CNOT4: variants seen among roughly 807,000 people sequenced by gnomAD.
The protein encoded by CNOT4 is CCR4-associated factor 4.
CNOT4 carries 8 observed loss-of-function variants against 73.8 expected under a neutral mutation model. The ratio of observed to expected loss-of-function variants is 0.11; its 90% CI spans 0.06 to 0.20. The LOEUF (loss-of-function observed/expected upper bound fraction) is 0.20. Among genes scored for constraint, CNOT4 ranks in the 10% least tolerant of loss-of-function variants. The pLI is 1.00. For missense variants in CNOT4, 564 were observed against 883.4 expected (o/e 0.64, Z 4.58); for synonymous variants, 293 against 321.1 (o/e 0.91, Z 0.94).
intron 1 of CNOT4, among the ~76,000 whole-genome samples, chr7:135,470,136 TG>T (rs199575610): frequency 3.3e-5 from 5 of 150,432 alleles, no homozygotes; most frequent in Admixed American, 1.3e-4. Flanking sequence ...TGTGTTTTTT[TG>T]GGGGGGGAGG....
rs1158626367 is a variant in CNOT4, at chr7:135,444,772, T to C, written c.-92-6349A>G. 3.2e-6 allele frequency: 5 copies of C among 1,555,086 alleles called. No individual in the cohort carries two copies. In the African/African-American group the frequency reaches 5.4e-5, roughly 17 times the overall value. The stretch of plus-strand genomic sequence containing the variant: ...CTCACTCTTCATGGTCACTGGGGCC[T>C]TGGACAAGTTGTTACTGACTATGTT... On this transcript the variant is annotated intron_variant, in intron 1 of 11. Transcript: ENST00000541284.
At chr7:135,426,904 CA>C in intron 2 of CNOT4, among the ~76,000 whole-genome samples, 1 of 120,882 alleles carries the variant, frequency 8.3e-6, no homozygotes, top group South Asian at 2.6e-4. Flanking sequence ...GCCTGGGGAA[CA>C]AGAATGAAAC....
chr7:135,407,846 T>A (rs2129483946), intron 7 of CNOT4, among the ~76,000 whole-genome samples: 2 of 152,326 alleles, frequency 1.3e-5, no homozygotes, highest in Middle Eastern at 6.8e-3. Flanking sequence ...AGAATATAAA[T>A]TCTTCCAATA....
chr7:135,487,699 T>C (rs1207404314), intron 1 of CNOT4, among the ~76,000 whole-genome samples: 1 of 152,156 alleles, frequency 6.6e-6, no homozygotes, highest in Non-Finnish European at 1.5e-5. Flanking sequence ...ATCTCATGCA[T>C]TGCTTTTTAA....
chr7:135,382,584 A>G (rs576685644), intron 10 of CNOT4, among the ~76,000 whole-genome samples: 7 of 21,134 alleles, frequency 3.3e-4, no homozygotes, highest in Non-Finnish European at 8.3e-4. Context: ...TGACTAGGAG[A>G]AAAAAAAAAA....
At chr7:135,443,429 T>C (rs1799615719) in intron 1 of CNOT4, among the ~76,000 whole-genome samples, 1 of 151,932 alleles carries the variant, frequency 6.6e-6, no homozygotes, top group Admixed American at 6.6e-5. Context: ...CTATATCCTT[T>C]ATAAAATATG....
chr7:135,506,934 C>A (rs1311476779), intron 1 of CNOT4, among the ~76,000 whole-genome samples: 2 of 151,738 alleles, frequency 1.3e-5, no homozygotes, highest in African/African-American at 4.8e-5. Flanking sequence ...ATTTATTAAA[C>A]TGAAGAATAT....
chr7:135,485,390 T>C (rs916167177), intron 1 of CNOT4, among the ~76,000 whole-genome samples: 4 of 152,110 alleles, frequency 2.6e-5, no homozygotes, highest in African/African-American at 4.8e-5. Context: ...TCTGTAGATA[T>C]AGATAAACAT....
chr7:135,396,798 A>C (rs1796720227), intron 8 of CNOT4, among the ~76,000 whole-genome samples: 1 of 152,194 alleles, frequency 6.6e-6, no homozygotes, highest in Admixed American at 6.5e-5. Flanking sequence ...AAAATAAAAA[A>C]CACGACTAGA....
At chr7:135,407,333 C>T (rs980261889) in intron 7 of CNOT4, among the ~76,000 whole-genome samples, 2 of 152,048 alleles carry the variant, frequency 1.3e-5, no homozygotes, top group African/African-American at 2.4e-5. Flanking sequence ...TTATAAATGC[C>T]AAAGATACTT....
At chr7:135,486,178 T>C (rs937343060) in intron 1 of CNOT4, among the ~76,000 whole-genome samples, 1 of 151,566 alleles carries the variant, frequency 6.6e-6, no homozygotes, top group Non-Finnish European at 1.5e-5. Flanking sequence ...AAATGAGATA[T>C]CTAGAAAAGT....
chr7:135,398,331 C>T, intron 7 of CNOT4, 105 bp from the exon 8 acceptor site: 1 of 666,264 alleles, frequency 1.5e-6, no homozygotes. Flanking sequence ...ACCATCTTAA[C>T]AAATGTTTAT....
chr7:135,456,940 C>T (rs1800571613), intron 1 of CNOT4, among the ~76,000 whole-genome samples: 1 of 151,914 alleles, frequency 6.6e-6, no homozygotes, highest in South Asian at 2.1e-4. Flanking sequence ...TCTTTATTTG[C>T]AGATGATAAG....
chr7:135,491,604 T>A (rs1010918689), intron 1 of CNOT4, among the ~76,000 whole-genome samples: 16 of 152,294 alleles, frequency 1.1e-4, no homozygotes, highest in African/African-American at 3.6e-4. Context: ...CAAAGCCTGA[T>A]TAGAACAGGC....
intron 10 of CNOT4, chr7:135,387,946 A>C: frequency 1.0e-6 from 1 of 970,554 alleles, no homozygotes; most frequent in Non-Finnish European, 1.2e-6. Context: ...TTAAACAATG[A>C]AATTTCCAAA....
chr7:135,396,105 C>G (rs1219606597), intron 8 of CNOT4, among the ~76,000 whole-genome samples: 1 of 121,876 alleles, frequency 8.2e-6, no homozygotes, highest in Non-Finnish European at 1.6e-5. Flanking sequence ...AAACTAGTCT[C>G]CCTTTTTTTT....
intron 1 of CNOT4, among the ~76,000 whole-genome samples, chr7:135,465,475 T>G (rs1281270772): frequency 6.6e-6 from 1 of 152,260 alleles, no homozygotes; most frequent in Non-Finnish European, 1.5e-5. Context: ...GATGATAAAC[T>G]ATGCTACTGG....
intron 1 of CNOT4, among the ~76,000 whole-genome samples, chr7:135,507,613 T>A (rs940761968): frequency 1.1e-4 from 16 of 151,210 alleles, no homozygotes; most frequent in Admixed American, 2.0e-4. Flanking sequence ...TACCTTTTTT[T>A]AAAAAAAAAG....
At chr7:135,506,541 G>T (rs1376599153) in intron 1 of CNOT4, among the ~76,000 whole-genome samples, 1 of 152,144 alleles carries the variant, frequency 6.6e-6, no homozygotes, top group African/African-American at 2.4e-5. Flanking sequence ...AGTACTATTT[G>T]CAGTCACATT....
Sources: gnomAD v4.1 joint callset for allele counts (sites outside exome capture counted in the v4.1 genomes callset) on GRCh38, gnomAD v4.1.1 for gene constraint, MANE v1.5 for transcripts, NCBI Gene and HGNC (gene_info 2026-07-23, HGNC 2026-07-21) for gene names.